Variants in NUDT16 observed in about 807,000 individuals in gnomAD.
The protein encoded by NUDT16 is U8 snoRNA-decapping enzyme.
Under a neutral mutation model 11.7 loss-of-function variants are expected in NUDT16, and 12 were observed. That is an observed-to-expected ratio of 1.03 (90% CI 0.66 to 1.67). The LOEUF is 1.67. Among genes scored for constraint, NUDT16 ranks in the 40% most tolerant of loss-of-function variants. NUDT16 has a pLI of 0.00. For missense variants in NUDT16, 303 were observed against 268.9 expected, an observed-to-expected ratio of 1.13 and a Z score of -0.89; for synonymous variants, 129 against 122.6, an observed-to-expected ratio of 1.05 and a Z score of -0.35.
rs1559770426 is a variant in NUDT16, at chr3:131,382,133, G to T, written c.226G>T (p.Glu76Ter). The T allele has an allele frequency of 1.2e-6, 2 of 1,611,500 alleles. No homozygotes were observed. The highest frequency in any genetic ancestry group is 4.5e-5 in the East Asian group (2 of 44,832). ...DRSLEDGLNR[E>*]LREELGEAAA... is the part of the protein sequence containing the mutation. ...AAGCCTAGAGGACGGGCTGAACCGC[G>T]AGCTGCGCGAGGAGCTGGGCGAAGC... The change falls in exon 2 of 3, where the codon GAG (glutamate) becomes TAG (stop). Residue 76 changes from glutamate (E) to a stop codon, truncating the protein, a stop_gained. Coordinates refer to ENST00000521288, the MANE Select transcript of NUDT16 (RefSeq NM_152395.3). LOFTEE classifies it high-confidence loss of function.
intron 2 of NUDT16, chr3:131,382,701 T>C: frequency 1.4e-6 from 2 of 1,426,718 alleles, no homozygotes; most frequent in Admixed American, 3.1e-5. Context: ...GTAGATAGAT[T>C]ATGTATGAAG....
chr3:131,383,504 C>A lies in NUDT16; in HGVS notation c.*163C>A. 6.8e-7 allele frequency: 1 copy of A among 1,477,452 alleles called. No homozygotes were observed. The highest frequency in any genetic ancestry group is 9.0e-7 in the Non-Finnish European group (1 of 1,110,950). 91.5% of individuals were successfully genotyped at this position (1,477,452 alleles called of 1,614,324 possible). A position where few individuals can be genotyped will look rare whatever the true frequency, so the allele number is the denominator to read the frequency against. ...CCATATGTTTTGAGCAGAGGACCCT[C>A]CAACTTATGGCATCAGGGGCAAAAA... On this transcript the variant is annotated 3_prime_UTR_variant, in exon 3 of 3. Transcript: ENST00000521288. This position sits in a 1 kb window ranked among gnomAD's most constrained non-coding sequence, Gnocchi z 4.4.
rs1324547162 is a variant in NUDT16 at position 131,388,806 on chromosome 3, CAATA to C, written c.*5469_*5472del. 2.0e-5 allele frequency: 3 copies of C among 152,018 alleles called. No individual in the cohort carries two copies. The highest frequency in any genetic ancestry group is 1.3e-4 in the Admixed American group (2 of 15,270). The allele number at this position is 152,018 out of a possible 1,614,324, so 9.4% of individuals were successfully genotyped here. ...AGCATAATAAATATTTTATAAATAA[CAATA>C]AATCATTTGATTTTATGCTAGTTCC... On this transcript the variant is annotated 3_prime_UTR_variant, in exon 3 of 3. Transcript: ENST00000521288.
intron 2 of NUDT16, chr3:131,382,710 A>C: frequency 7.1e-7 from 1 of 1,407,744 alleles, no homozygotes; most frequent in Non-Finnish European, 9.2e-7. Context: ...TTATGTATGA[A>C]GGTGGTTCTC....
rs2097460287 is a variant in NUDT16 at position 131,386,963 on chromosome 3, A to T, written c.*3622A>T. ...GTTTGTTGCACAGAAATGTTTTTGAAACCTTTATCTCCAATAGAATCACAA... is the reference window on the plus strand; with the variant it reads ...GTTTGTTGCACAGAAATGTTTTTGATACCTTTATCTCCAATAGAATCACAA... On this transcript the variant is annotated 3_prime_UTR_variant, in exon 3 of 3. Coordinates refer to ENST00000521288, the MANE Select transcript of NUDT16 (RefSeq NM_152395.3). 1 of 152,240 alleles carries T rather than the reference A, an allele frequency of 6.6e-6. No homozygotes were observed. The highest frequency in any genetic ancestry group is 6.5e-5 in the Admixed American group (1 of 15,292). The allele number at this position is 152,240 out of a possible 1,614,324, so 9.4% of individuals were successfully genotyped here. A position where few individuals can be genotyped will look rare whatever the true frequency, so the allele number is the denominator to read the frequency against.
chr3:131,384,503 T>G lies in NUDT16; in HGVS notation c.*1162T>G, dbSNP rs2097458237. 2 of 151,576 alleles carry G rather than the reference T, an allele frequency of 1.3e-5. No homozygotes were observed. Among genetic ancestry groups the G allele is most frequent in the African/African-American group, 2.4e-5 (1 of 41,152 alleles). 9.4% of individuals were successfully genotyped at this position (151,576 alleles called of 1,614,324 possible). The stretch of plus-strand genomic sequence containing the variant: ...GTCAAGGCATGTTTAAGATGGGAGG[T>G]AGAGCATGCCAATATTGATGGCAAC... On this transcript the variant is annotated 3_prime_UTR_variant, in exon 3 of 3. Transcript: ENST00000521288.
In NUDT16 at chr3:131,384,975, A is replaced by G. The variant is rs1313092140; in HGVS notation, c.*1634A>G. The G allele has an allele frequency of 6.6e-6, 1 of 152,266 alleles. No individual in the cohort carries two copies. The highest frequency in any genetic ancestry group is 1.5e-5 in the Non-Finnish European group (1 of 68,170). 9.4% of individuals were successfully genotyped at this position (152,266 alleles called of 1,614,324 possible). ...TGTCTTCCCCTCATCAGGATTCAGGAGCTGGGATGGGTACACTTACTGCAG... is the reference window on the plus strand; with the variant it reads ...TGTCTTCCCCTCATCAGGATTCAGGGGCTGGGATGGGTACACTTACTGCAG... On this transcript the variant is annotated 3_prime_UTR_variant, in exon 3 of 3. Coordinates refer to ENST00000521288, the MANE Select transcript of NUDT16 (RefSeq NM_152395.3).
rs1315235913 is a variant in NUDT16 at position 131,381,942 on chromosome 3, G to A, written c.138G>A (p.Leu46=). 9.3e-6 allele frequency: 15 copies of A among 1,609,072 alleles called. No individual in the cohort carries two copies. The African/African-American group carries it at 9.4e-5, about 10-fold the overall frequency. ...GCATCCCGCTGCGCTACGCCATACTGGTGAGAAGGGGGCGCGCCCGGCCAC... is the reference window on the plus strand; with the variant it reads ...GCATCCCGCTGCGCTACGCCATACTAGTGAGAAGGGGGCGCGCCCGGCCAC... The part of the protein sequence containing the change: ...FGRIPLRYAI[L]MQMRFDGRLG... The change falls in exon 1 of 3, where the codon CTG becomes CTA. Residue 46 remains leucine, a splice_region_variant and synonymous_variant. Coordinates refer to ENST00000521288, the MANE Select transcript of NUDT16 (RefSeq NM_152395.3).
In NUDT16 at chr3:131,383,162, G is replaced by T. The variant is rs773744956; in HGVS notation, c.409G>T (p.Val137Leu). The T allele has an allele frequency of 6.2e-7, 1 of 1,611,520 alleles. No homozygotes were observed. Among genetic ancestry groups the T allele is most frequent in the Non-Finnish European group, 8.5e-7 (1 of 1,179,296 alleles). The change falls in exon 3 of 3, where the codon GTG becomes TTG. Residue 137 changes from valine to leucine, a missense_variant and splice_region_variant. Transcript: ENST00000521288. The surrounding 1 kb of genome is among the most constrained non-coding windows in gnomAD (Gnocchi z 4.4). Reference sequence around the variant, plus strand: ...GTCTCCTGTCTCCTTCCTTTTACAGGTGCTGGGCCTGGTGCGAGTGCCCCT... The same window carrying T: ...GTCTCCTGTCTCCTTCCTTTTACAGTTGCTGGGCCTGGTGCGAGTGCCCCT... Reference protein sequence around the residue: ...ATRAKDHGLEVLGLVRVPLYT... With the variant: ...ATRAKDHGLELLGLVRVPLYT...
chr3:131,387,025 T>C lies in NUDT16; in HGVS notation c.*3684T>C, dbSNP rs569521253. On this transcript the variant is annotated 3_prime_UTR_variant, in exon 3 of 3. Transcript: ENST00000521288. ...AGAGTCAAAACTAGAGGAAAAAGTT[T>C]AGTCTGTAAACAAATCATTAGATGG... The C allele has an allele frequency of 2.0e-5, 3 of 152,370 alleles. No individual in the cohort carries two copies. In the South Asian group the frequency reaches 6.2e-4, roughly 32 times the overall value. 9.4% of individuals were successfully genotyped at this position (152,370 alleles called of 1,614,324 possible).
rs1180022849 is a variant in NUDT16 at position 131,386,915 on chromosome 3, G to C, written c.*3574G>C. 6.6e-6 allele frequency: 1 copy of C among 152,198 alleles called. No homozygotes were observed. Among genetic ancestry groups the C allele is most frequent in the Admixed American group, 6.5e-5 (1 of 15,286 alleles). The allele number at this position is 152,198 out of a possible 1,614,324, so 9.4% of individuals were successfully genotyped here. A position where few individuals can be genotyped will look rare whatever the true frequency, so the allele number is the denominator to read the frequency against. ...AGGGGAGGGGAAGAGAAGAGGGAAG[G>C]CATGTTTCCTATATGAGTTTCAGTT... On this transcript the variant is annotated 3_prime_UTR_variant, in exon 3 of 3. Coordinates refer to ENST00000521288, the MANE Select transcript of NUDT16 (RefSeq NM_152395.3).
Position 131,383,044 on chromosome 3 carries a change from C to T in NUDT16, c.409-118C>T. On this transcript the variant is annotated intron_variant, in intron 2 of 2. Coordinates refer to ENST00000521288, the MANE Select transcript of NUDT16 (RefSeq NM_152395.3). The surrounding 1 kb of genome is among the most constrained non-coding windows in gnomAD (Gnocchi z 4.4). Reference sequence around the variant, plus strand: ...CACTAGGCTTTAGTGAGGTGTGAGCCTTGGGCCTGGTTCTGCTGGAGTATT... The same window carrying T: ...CACTAGGCTTTAGTGAGGTGTGAGCTTTGGGCCTGGTTCTGCTGGAGTATT... 8.6e-7 allele frequency: 1 copy of T among 1,165,046 alleles called. No homozygotes were observed. The highest frequency in any genetic ancestry group is 1.2e-6 in the Non-Finnish European group (1 of 817,628). The allele number at this position is 1,165,046 out of a possible 1,614,324, so 72.2% of individuals were successfully genotyped here. A position where few individuals can be genotyped will look rare whatever the true frequency, so the allele number is the denominator to read the frequency against.
At chr3:131,382,375 T>TC (rs745586284) in intron 2 of NUDT16, 60 bp downstream of exon 2, 1 of 1,603,712 alleles carries the variant, frequency 6.2e-7, no homozygotes, top group Admixed American at 1.7e-5. Context: ...AAGCTTTCTC[T>TC]CCCCCAAGAA....
intron 1 of NUDT16, 27 bp from the exon 2 acceptor site, chr3:131,382,019 G>A: frequency 1.9e-6 from 3 of 1,577,234 alleles, no homozygotes; most frequent in Non-Finnish European, 1.7e-6. Context: ...GGGCGCCCCT[G>A]CCAATCCCCG....
Position 131,385,044 on chromosome 3 carries a change from T to C in NUDT16, c.*1703T>C, listed in dbSNP as rs1009433287. The stretch of plus-strand genomic sequence containing the variant: ...GAAGTAAAAGGAGTTGAGAGAAAGA[T>C]GGGTCAGTTCAGAAGACATACACAG... On this transcript the variant is annotated 3_prime_UTR_variant, in exon 3 of 3. Coordinates refer to ENST00000521288, the MANE Select transcript of NUDT16 (RefSeq NM_152395.3). The C allele has an allele frequency of 2.6e-5, 4 of 152,136 alleles. No individual in the cohort carries two copies. The highest frequency in any genetic ancestry group is 9.7e-5 in the African/African-American group (4 of 41,364). 9.4% of individuals were successfully genotyped at this position (152,136 alleles called of 1,614,324 possible).
Position 131,383,474 on chromosome 3 carries a change from G to A in NUDT16, c.*133G>A. On this transcript the variant is annotated 3_prime_UTR_variant, in exon 3 of 3. Transcript: ENST00000521288. The surrounding 1 kb of genome is among the most constrained non-coding windows in gnomAD (Gnocchi z 4.4). ...ATACCAGATGAAAAGAAGGAGAAGTGTGTACCATATGTTTTGAGCAGAGGA... is the reference window on the plus strand; with the variant it reads ...ATACCAGATGAAAAGAAGGAGAAGTATGTACCATATGTTTTGAGCAGAGGA... The A allele has an allele frequency of 6.5e-7, 1 of 1,531,538 alleles. No homozygotes were observed. Among genetic ancestry groups the A allele is most frequent in the South Asian group, 1.2e-5 (1 of 83,678 alleles). The allele number at this position is 1,531,538 out of a possible 1,614,324, so 94.9% of individuals were successfully genotyped here. A position where few individuals can be genotyped will look rare whatever the true frequency, so the allele number is the denominator to read the frequency against.
Position 131,381,831 on chromosome 3 carries a change from A to C in NUDT16, c.27A>C (p.Leu9=). The C allele has an allele frequency of 6.3e-7, 1 of 1,582,542 alleles. No individual in the cohort carries two copies. Among genetic ancestry groups the C allele is most frequent in the East Asian group, 2.3e-5 (1 of 43,556 alleles). Residue 9 remains leucine, a synonymous_variant, in exon 1 of 3, where the codon CTA becomes CTC. Transcript: ENST00000521288. MAGARRLE[L]GEALALGSGW... ...TGGCCGGAGCCCGCAGGCTGGAGCTAGGCGAGGCCCTGGCGCTGGGGTCGG... is the reference window on the plus strand; with the variant it reads ...TGGCCGGAGCCCGCAGGCTGGAGCTCGGCGAGGCCCTGGCGCTGGGGTCGG...
In NUDT16 at chr3:131,381,802, G is replaced by C; in HGVS notation, c.-3G>C. The C allele has an allele frequency of 6.5e-7, 1 of 1,549,156 alleles. No individual in the cohort carries two copies. The highest frequency in any genetic ancestry group is 1.2e-5 in the South Asian group (1 of 85,934). Reference sequence around the variant, plus strand: ...CGGGACAGCAGAGGAGCAGTGTCCGGCCATGGCCGGAGCCCGCAGGCTGGA... The same window carrying C: ...CGGGACAGCAGAGGAGCAGTGTCCGCCCATGGCCGGAGCCCGCAGGCTGGA... On this transcript the variant is annotated 5_prime_UTR_variant, in exon 1 of 3. Transcript: ENST00000521288.
intron 2 of NUDT16, chr3:131,382,820 G>C (rs999513312): frequency 1.1e-5 from 10 of 902,338 alleles, no homozygotes; most frequent in East Asian, 8.6e-5. Context: ...GAGGAAACCT[G>C]AGAATTTGTA....
Sources: gnomAD v4.1 joint callset for allele counts on GRCh38, gnomAD v4.1.1 for gene constraint, Gnocchi (gnomAD v3.1) non-coding constraint, MANE v1.5 for transcripts, NCBI Gene and HGNC (gene_info 2026-07-23, HGNC 2026-07-21) for gene names.